The following CRACR2A variants were observed in gnomAD, a reference collection of about 807,000 sequenced individuals.
CRACR2A encodes EF-hand calcium-binding domain-containing protein 4B.
A neutral mutation model predicts 90.5 loss-of-function variants in CRACR2A; 79 were observed. That is an observed-to-expected ratio of 0.87 (90% CI 0.73 to 1.05). The LOEUF is 1.05. CRACR2A is among the 50% of genes least tolerant of loss of function. The probability of loss-of-function intolerance (pLI) is 0.00; values close to 1 mark genes in which losing one functional copy is unlikely to be tolerated. For synonymous variants in CRACR2A, 338 were observed against 356.7 expected (o/e 0.95, Z 0.59); for missense variants, 823 against 897.2 (o/e 0.92, Z 1.06).
intron 10 of CRACR2A, among the ~76,000 whole-genome samples, chr12:3,651,478 CAAAAT>C (rs1944793572): frequency 6.6e-6 from 1 of 152,198 alleles, no homozygotes; most frequent in Non-Finnish European, 1.5e-5. Flanking sequence ...ATTACTTACT[CAAAAT>C]AAAAGTTAAT....
chr12:3,684,865 A>T (rs1390804777), intron 4 of CRACR2A, among the ~76,000 whole-genome samples: 2 of 152,220 alleles, frequency 1.3e-5, no homozygotes, highest in Admixed American at 1.3e-4. Context: ...ACACATGCCC[A>T]AAGAAAGAAT....
intron 3 of CRACR2A, among the ~76,000 whole-genome samples, chr12:3,700,706 T>C (rs1266215882): frequency 2.6e-5 from 4 of 152,106 alleles, no homozygotes; most frequent in Non-Finnish European, 5.9e-5. Flanking sequence ...AGCTTCAAAA[T>C]ACACAAAGCA....
chr12:3,717,709 G>A (rs972888605), intron 2 of CRACR2A, among the ~76,000 whole-genome samples: 3 of 152,094 alleles, frequency 2.0e-5, no homozygotes, highest in Admixed American at 6.5e-5. Context: ...CAAAGATTAC[G>A]CTATCTTATT....
intron 10 of CRACR2A, among the ~76,000 whole-genome samples, chr12:3,652,632 G>C (rs4766155): frequency 0.32 from 49,346 of 151,944 alleles, 9,159 homozygotes; most frequent in Admixed American, 0.46. Context: ...CCAGCAGTCA[G>C]ACAGAGTGAG....
chr12:3,638,326 G>A lies in CRACR2A; in HGVS notation c.1400C>T (p.Pro467Leu), dbSNP rs924786719. Residue 467 changes from proline (P) to leucine (L), a missense_variant, in exon 14 of 20, where the codon CCG (proline) becomes CTG (leucine). Physicochemically the swap from Pro to Leu is moderately conservative, Grantham distance 98. Coordinates refer to ENST00000440314, the MANE Select transcript of CRACR2A (RefSeq NM_001144958.2). ...EPGPGGPYPR[P>L]LRRIISVEED... Reference sequence around the variant, plus strand: ...TTCAACGGAGATGATTCTGCGGAGCGGCCGGGGGTACGGACCCCCAGGCCC... The same window carrying A: ...TTCAACGGAGATGATTCTGCGGAGCAGCCGGGGGTACGGACCCCCAGGCCC... 16 of 1,551,070 alleles carry A rather than the reference G, an allele frequency of 1.0e-5. No homozygotes were observed. Among genetic ancestry groups the A allele is most frequent in the East Asian group, 4.9e-5 (2 of 40,920 alleles).
intron 15 of CRACR2A, among the ~76,000 whole-genome samples, chr12:3,632,144 A>G (rs1057271911): frequency 2.6e-5 from 4 of 152,066 alleles, no homozygotes; most frequent in Non-Finnish European, 5.9e-5. Flanking sequence ...AGAAGTTTGT[A>G]GTACCTCCCC....
chr12:3,647,744 CTTCATAACAT>C (rs935578941), intron 11 of CRACR2A, among the ~76,000 whole-genome samples: 19 of 152,148 alleles, frequency 1.2e-4, no homozygotes, highest in African/African-American at 4.6e-4. Context: ...AAACAAAAAC[CTTCATAACAT>C]AACTAGGAAG....
At chr12:3,716,528 G>GT (rs1355511477) in intron 2 of CRACR2A, among the ~76,000 whole-genome samples, 1 of 152,206 alleles carries the variant, frequency 6.6e-6, no homozygotes, top group East Asian at 1.9e-4. Flanking sequence ...CGTTAGTTCT[G>GT]TTAAACACTG....
rs1338936167 is a variant in CRACR2A, at chr12:3,713,228, C to T, written c.-37+9G>A. ...TCTGCAACCTGTCGCCTTTTGTTCG[C>T]TCACTCACCTTGCAGCTCCCGGCTC... On this transcript the variant is annotated intron_variant, in intron 3 of 19. Transcript: ENST00000440314. 1.0e-6 allele frequency: 1 copy of T among 985,248 alleles called. No homozygotes were observed. The highest frequency in any genetic ancestry group is 1.1e-4 in the East Asian group (1 of 8,818). 61.0% of individuals were successfully genotyped at this position (985,248 alleles called of 1,614,324 possible).
At chr12:3,632,026 G>A (rs1259838323) in intron 15 of CRACR2A, among the ~76,000 whole-genome samples, 1 of 152,152 alleles carries the variant, frequency 6.6e-6, no homozygotes, top group Non-Finnish European at 1.5e-5. Context: ...TGGAGGTGGG[G>A]CCTGGAGGGA....
intron 8 of CRACR2A, among the ~76,000 whole-genome samples, chr12:3,657,932 G>A (rs1269366537): frequency 2.0e-5 from 3 of 152,138 alleles, no homozygotes; most frequent in Admixed American, 1.3e-4. Context: ...TCCAAATTCC[G>A]GTCCGAGGGT....
chr12:3,725,251 A>G (rs1946242837), intron 2 of CRACR2A, among the ~76,000 whole-genome samples: 1 of 152,182 alleles, frequency 6.6e-6, no homozygotes, highest in South Asian at 2.1e-4. Context: ...TTAAAACAAC[A>G]GATTTCTTCT....
chr12:3,679,595 C>T (rs770552294), intron 5 of CRACR2A, among the ~76,000 whole-genome samples: 3 of 152,178 alleles, frequency 2.0e-5, no homozygotes, highest in Non-Finnish European at 4.4e-5. Context: ...CTTATCCTCC[C>T]AAGTCAATTA....
intron 3 of CRACR2A, among the ~76,000 whole-genome samples, chr12:3,706,924 T>C (rs759385490): frequency 6.6e-6 from 1 of 152,148 alleles, no homozygotes; most frequent in South Asian, 2.1e-4. Context: ...TATTACTACA[T>C]TGAAATCAAA....
At chr12:3,735,547 G>T (rs1946438017) in intron 1 of CRACR2A, among the ~76,000 whole-genome samples, 2 of 152,326 alleles carry the variant, frequency 1.3e-5, no homozygotes, top group Middle Eastern at 3.4e-3. Context: ...AAGTTTTCTG[G>T]GTACTAACCC....
intron 11 of CRACR2A, among the ~76,000 whole-genome samples, chr12:3,645,550 C>T (rs929345384): frequency 6.6e-6 from 1 of 152,162 alleles, no homozygotes; most frequent in African/African-American, 2.4e-5. Context: ...GTGTCAAGAT[C>T]TGGCTTCAGT....
At chr12:3,737,526 G>A (rs1421567809) in intron 1 of CRACR2A, among the ~76,000 whole-genome samples, 3 of 152,190 alleles carry the variant, frequency 2.0e-5, no homozygotes, top group Non-Finnish European at 4.4e-5. Flanking sequence ...TGGAAGAGGA[G>A]GGATATGGAG....
intron 6 of CRACR2A, 113 bp downstream of exon 6, chr12:3,678,802 T>A: frequency 2.8e-5 from 33 of 1,186,948 alleles, no homozygotes; most frequent in Non-Finnish European, 3.5e-5. Context: ...CTGCACTGCA[T>A]TCCAGTGCAG....
intron 6 of CRACR2A, among the ~76,000 whole-genome samples, chr12:3,676,766 A>G (rs1240956843): frequency 6.6e-6 from 1 of 152,120 alleles, no homozygotes; most frequent in African/African-American, 2.4e-5. Flanking sequence ...CAGCAAACCA[A>G]ATGGACTGAG....
Sources: allele counts gnomAD v4.1 joint callset (sites outside exome capture counted in the v4.1 genomes callset), GRCh38; gene constraint gnomAD v4.1.1; transcripts MANE v1.5; gene names NCBI Gene and HGNC (gene_info 2026-07-23, HGNC 2026-07-21).